Variants in CYB5R4 observed in about 807,000 individuals in gnomAD.
The protein encoded by CYB5R4 is N-terminal cytochrome b5 and cytochrome b5 oxidoreductase domain-containing protein.
A neutral mutation model predicts 70.2 loss-of-function variants in CYB5R4; 55 were observed. The observed-to-expected ratio is 0.78, with a 90% CI of 0.63 to 0.98. CYB5R4 has a LOEUF of 0.98. Ranked by LOEUF, CYB5R4 falls within the 50% of genes least tolerant of loss-of-function variation. The pLI, the probability that CYB5R4 is intolerant of heterozygous loss-of-function variation, is 0.00. For synonymous variants in CYB5R4, 197 were observed against 199.5 expected (o/e 0.99, Z 0.11); for missense variants, 562 against 612.6 (o/e 0.92, Z 0.87).
intron 12 of CYB5R4, 97 bp downstream of exon 12, chr6:83,936,473 A>T: frequency 1.9e-6 from 2 of 1,079,000 alleles, no homozygotes. Context: ...AGATATCTTT[A>T]ACTCAACATG....
intron 2 of CYB5R4, among the ~76,000 whole-genome samples, chr6:83,881,825 G>A (rs1027447784): frequency 6.6e-6 from 1 of 152,158 alleles, no homozygotes; most frequent in East Asian, 1.9e-4. Flanking sequence ...TAAGTTCTCT[G>A]TTGTCCTAGC....
chr6:83,914,352 G>C, intron 4 of CYB5R4, 64 bp from the exon 5 acceptor site: 2 of 1,460,694 alleles, frequency 1.4e-6, no homozygotes, highest in Non-Finnish European at 1.9e-6. Flanking sequence ...CAGTAATGTG[G>C]ACTGACATTC....
intron 15 of CYB5R4, 99 bp downstream of exon 15, chr6:83,955,561 C>A: frequency 1.8e-6 from 2 of 1,090,118 alleles, no homozygotes; most frequent in Non-Finnish European, 1.3e-6. Flanking sequence ...TGAAACTGCA[C>A]TTTAATAATC....
At chr6:83,874,042 T>C (rs1284278711) in intron 2 of CYB5R4, among the ~76,000 whole-genome samples, 1 of 151,910 alleles carries the variant, frequency 6.6e-6, no homozygotes, top group African/African-American at 2.4e-5. Context: ...GTGGTAGCCA[T>C]ATTCTGTCTT....
Position 83,928,960 on chromosome 6 carries a change from A to G in CYB5R4, c.814+4368A>G, listed in dbSNP as rs531247266. ...ATGAATTCTTTTATTTCTGCTGTAA[A>G]TTTTTCCTTGAATCCTGAAACACCA... is the stretch of plus-strand genomic sequence containing the variant. On this transcript the variant is annotated intron_variant, in intron 10 of 15. Transcript: ENST00000369681. Among the ~76,000 whole-genome samples, 3 of 152,038 alleles carry G rather than the reference A, an allele frequency of 2.0e-5. No individual in the cohort carries two copies. In the South Asian group the frequency reaches 6.2e-4, roughly 32 times the overall value.
At chr6:83,917,830 A>T (rs2099465758) in intron 5 of CYB5R4, among the ~76,000 whole-genome samples, 175 bp from the exon 6 acceptor site, 1 of 152,146 alleles carries the variant, frequency 6.6e-6, no homozygotes, top group South Asian at 2.1e-4. Context: ...AAGGGTATGT[A>T]TGTTTCACTT....
intron 7 of CYB5R4, 117 bp from the exon 8 acceptor site, chr6:83,920,965 G>A (rs2099466284): frequency 2.9e-6 from 2 of 688,002 alleles, no homozygotes; most frequent in Non-Finnish European, 4.3e-6. Flanking sequence ...TGTTTAGCTT[G>A]GAGGTTCAAT....
intron 14 of CYB5R4, among the ~76,000 whole-genome samples, chr6:83,945,468 G>A (rs961191609): frequency 1.3e-5 from 2 of 152,010 alleles, no homozygotes; most frequent in African/African-American, 2.4e-5. Context: ...AGGAGAAAGC[G>A]GGAAAGATCT....
rs1288798527 is a variant in CYB5R4, at chr6:83,867,830, A to G, written c.229+3502A>G. ...AGCTCGTGCTTGGCTCTGAGTCACT[A>G]TTGTCTGTAAAAAGTATAATTGCCC... On this transcript the variant is annotated intron_variant, in intron 2 of 15. Coordinates refer to ENST00000369681, the MANE Select transcript of CYB5R4 (RefSeq NM_016230.4). Among the ~76,000 whole-genome samples, 7 of 152,126 alleles carry G rather than the reference A, an allele frequency of 4.6e-5. No homozygotes were observed. The East Asian group carries it at 7.7e-4, about 17-fold the overall frequency.
chr6:83,902,304 G>A (rs9344374), intron 3 of CYB5R4, among the ~76,000 whole-genome samples: 23,862 of 151,912 alleles, frequency 0.16, 3,694 homozygotes, highest in African/African-American at 0.38. Flanking sequence ...TATTCTTGAC[G>A]TCATTGTTGA....
At chr6:83,951,299 C>A (rs1376216276) in intron 14 of CYB5R4, among the ~76,000 whole-genome samples, 2 of 151,640 alleles carry the variant, frequency 1.3e-5, no homozygotes, top group Non-Finnish European at 3.0e-5. Context: ...GCTCTTGATA[C>A]CTATACTTTA....
At chr6:83,864,692 A>G (rs1426928153) in intron 2 of CYB5R4, among the ~76,000 whole-genome samples, 1 of 151,008 alleles carries the variant, frequency 6.6e-6, no homozygotes, top group Non-Finnish European at 1.5e-5. Flanking sequence ...ATTCTGTTGG[A>G]AAAAAAAAAT....
chr6:83,876,831 A>T (rs545465878), intron 2 of CYB5R4, among the ~76,000 whole-genome samples: 264 of 151,758 alleles, frequency 1.7e-3, no homozygotes, highest in African/African-American at 6.1e-3. Context: ...CTGCTGAAGA[A>T]CTTCCTTTAA....
chr6:83,922,715 TACAA>T (rs1469697524), intron 9 of CYB5R4, among the ~76,000 whole-genome samples: 10 of 152,152 alleles, frequency 6.6e-5, no homozygotes, highest in African/African-American at 2.4e-4. Context: ...GTTGTACAGA[TACAA>T]ACAAATACAT....
At chr6:83,913,457 G>C (rs2099465011) in intron 4 of CYB5R4, among the ~76,000 whole-genome samples, 1 of 152,266 alleles carries the variant, frequency 6.6e-6, no homozygotes, top group African/African-American at 2.4e-5. Flanking sequence ...CCTTTTTTAG[G>C]AGATCAGGTG....
chr6:83,937,059 G>T (rs1257088044), intron 12 of CYB5R4, among the ~76,000 whole-genome samples: 1 of 152,158 alleles, frequency 6.6e-6, no homozygotes, highest in Non-Finnish European at 1.5e-5. Flanking sequence ...CAGATCTCTT[G>T]AGGTCGGAAG....
At chr6:83,903,213 A>C (rs2099463273) in intron 3 of CYB5R4, among the ~76,000 whole-genome samples, 1 of 151,836 alleles carries the variant, frequency 6.6e-6, no homozygotes, top group Non-Finnish European at 1.5e-5. Context: ...TAGTTTGTTG[A>C]GAGTTTTTAT....
At chr6:83,914,562 G>T in intron 5 of CYB5R4, 114 bp downstream of exon 5, 1 of 950,596 alleles carries the variant, frequency 1.1e-6, no homozygotes, top group Non-Finnish European at 1.4e-6. Flanking sequence ...TTTTGAGATG[G>T]AGTATTGCTT....
chr6:83,922,417 A>T, intron 8 of CYB5R4, 21 bp from the exon 9 acceptor site: 1 of 1,604,418 alleles, frequency 6.2e-7, no homozygotes, highest in Non-Finnish European at 8.5e-7. Context: ...TATTTTAACT[A>T]AATAAATTTG....
Sources: gnomAD v4.1 joint callset for allele counts (sites outside exome capture counted in the v4.1 genomes callset) on GRCh38, gnomAD v4.1.1 for gene constraint, MANE v1.5 for transcripts, NCBI Gene and HGNC (gene_info 2026-07-23, HGNC 2026-07-21) for gene names.